PARP8: variants seen among roughly 807,000 people sequenced by gnomAD.
PARP8 encodes the protein protein mono-ADP-ribosyltransferase PARP8.
A neutral mutation model predicts 124.1 loss-of-function variants in PARP8; 51 were observed. The observed-to-expected ratio is 0.41, with a 90% CI of 0.33 to 0.52. The LOEUF (loss-of-function observed/expected upper bound fraction) is 0.52, where lower values mean the gene tolerates loss of function less well. PARP8 is among the 20% of genes least tolerant of loss of function. The probability of loss-of-function intolerance (pLI) is 0.21; values close to 1 mark genes in which losing one functional copy is unlikely to be tolerated. For synonymous variants in PARP8, 391 were observed against 361.5 expected, an observed-to-expected ratio of 1.08 and a Z score of -0.93; for missense variants, 860 against 1,018.9, an observed-to-expected ratio of 0.84 and a Z score of 2.12.
At chr5:50,759,870 C>A in intron 4 of PARP8, 138 bp downstream of exon 4, 21 of 1,073,892 alleles carry the variant, frequency 2.0e-5, no homozygotes, top group Non-Finnish European at 2.6e-5. Context: ...TACAAATTTT[C>A]TATCTAAAGT....
intron 15 of PARP8, 68 bp downstream of exon 15, chr5:50,815,592 C>G: frequency 9.3e-7 from 1 of 1,075,548 alleles, no homozygotes; most frequent in South Asian, 1.7e-5. Flanking sequence ...CACTAGTTAT[C>G]TTCATTCTGC....
intron 7 of PARP8, among the ~76,000 whole-genome samples, chr5:50,774,977 C>A (rs1238182259): frequency 6.9e-6 from 1 of 144,514 alleles, no homozygotes; most frequent in African/African-American, 2.6e-5. Flanking sequence ...CGGCCAGAGG[C>A]GCTCTTCACA....
intron 14 of PARP8, among the ~76,000 whole-genome samples, chr5:50,804,774 T>G (rs1743637497): frequency 6.6e-6 from 1 of 152,192 alleles, no homozygotes; most frequent in African/African-American, 2.4e-5. Context: ...ATTCTAATGA[T>G]TCAGACGATT....
Position 50,761,159 on chromosome 5 carries a change from A to G in PARP8, c.346-662A>G, listed in dbSNP as rs188049937. ...AATGGATTCCTGTGTCCAAATACCT[A>G]CATTTCTCCTGTGTTAATAGGGCCA... On this transcript the variant is annotated intron_variant, in intron 5 of 25. Transcript: ENST00000281631. Among the ~76,000 whole-genome samples the G allele has an allele frequency of 4.3e-4, 66 of 152,198 alleles. 1 individual carries two copies. Among genetic ancestry groups the G allele is most frequent in the African/African-American group, 1.4e-3 (58 of 41,564 alleles).
At chr5:50,820,389 G>C (rs1346616841) in intron 15 of PARP8, among the ~76,000 whole-genome samples, 1 of 152,192 alleles carries the variant, frequency 6.6e-6, no homozygotes, top group East Asian at 1.9e-4. Context: ...TGACCATTTA[G>C]GCAGTATCAG....
Position 50,834,982 on chromosome 5 carries a change from A to C in PARP8, c.2429A>C (p.Asn810Thr). ...CATGGAGAGATATGGGTTGTCCCCA[A>C]TACTGACCATGTCTGCACACGATTC... ...HKHGEIWVVP[N>T]TDHVCTRFFF... Residue 810 changes from asparagine to threonine, a missense_variant, in exon 25 of 26, where the codon AAT becomes ACT. This residue lies in a region of PARP8 where 343 missense variants were observed against 474.7 expected (regional missense o/e 0.72). Coordinates refer to ENST00000281631, the MANE Select transcript of PARP8 (RefSeq NM_024615.4). 6.2e-7 allele frequency: 1 copy of C among 1,613,484 alleles called. No homozygotes were observed. The highest frequency in any genetic ancestry group is 1.1e-5 in the South Asian group (1 of 91,064).
At chr5:50,747,005 G>A (rs1338939417) in intron 2 of PARP8, among the ~76,000 whole-genome samples, 1 of 152,040 alleles carries the variant, frequency 6.6e-6, no homozygotes, top group Non-Finnish European at 1.5e-5. Context: ...TCCAGCCTGG[G>A]CAACAGAGCA....
At chr5:50,790,014 C>T (rs1741769845) in intron 10 of PARP8, among the ~76,000 whole-genome samples, 1 of 152,098 alleles carries the variant, frequency 6.6e-6, no homozygotes, top group Admixed American at 6.6e-5. Flanking sequence ...GTACGTATTA[C>T]AGAGCTCTAG....
intron 10 of PARP8, among the ~76,000 whole-genome samples, chr5:50,790,672 C>T (rs1180196466): frequency 1.3e-5 from 2 of 152,086 alleles, no homozygotes; most frequent in African/African-American, 4.8e-5. Context: ...TACATAGGCT[C>T]AGCAAAAGAA....
intron 2 of PARP8, among the ~76,000 whole-genome samples, chr5:50,676,161 G>C (rs1750613021): frequency 6.6e-6 from 1 of 152,206 alleles, no homozygotes; most frequent in Non-Finnish European, 1.5e-5. Context: ...CAGATCTGGA[G>C]TATCTCAAAA....
chr5:50,734,124 G>A (rs1265302607), intron 2 of PARP8, among the ~76,000 whole-genome samples: 1 of 152,134 alleles, frequency 6.6e-6, no homozygotes, highest in Non-Finnish European at 1.5e-5. Context: ...GTGATAAAAA[G>A]GCTTTTAACA....
intron 2 of PARP8, among the ~76,000 whole-genome samples, chr5:50,713,745 C>G (rs1375079421): frequency 6.6e-6 from 1 of 151,888 alleles, no homozygotes; most frequent in East Asian, 1.9e-4. Context: ...ATGTTGAGCC[C>G]AGTGTCATCA....
rs2149574660 is a variant in PARP8, at chr5:50,759,731, A to G, written c.273A>G (p.Thr91=). Reference sequence around the variant, plus strand: ...CAGTAATTTTTCATAGAATAGCAACAGGTAATAGTAGTATTATTTTTTATA... The same window carrying G: ...CAGTAATTTTTCATAGAATAGCAACGGGTAATAGTAGTATTATTTTTTATA... ...PIPVIFHRIA[T]ELRKTNDINC... Residue 91 remains threonine (T), a splice_region_variant and synonymous_variant, in exon 4 of 26, where the codon ACA becomes ACG. Coordinates refer to ENST00000281631, the MANE Select transcript of PARP8 (RefSeq NM_024615.4). 1.3e-6 allele frequency: 2 copies of G among 1,558,828 alleles called. No homozygotes were observed.
intron 7 of PARP8, 117 bp downstream of exon 7, chr5:50,763,359 G>A: frequency 6.9e-6 from 5 of 723,210 alleles, no homozygotes; most frequent in South Asian, 5.2e-5. Context: ...AAGTGTTTTA[G>A]AAAGAGTCTA....
Position 50,842,175 on chromosome 5 carries a change from T to A in PARP8, c.*107T>A. The A allele has an allele frequency of 1.3e-6, 1 of 773,062 alleles. No individual in the cohort carries two copies. Among genetic ancestry groups the A allele is most frequent in the Non-Finnish European group, 2.1e-6 (1 of 485,330 alleles). The allele number at this position is 773,062 out of a possible 1,614,324, so 47.9% of individuals were successfully genotyped here. A position where few individuals can be genotyped will look rare whatever the true frequency, so the allele number is the denominator to read the frequency against. ...TATTTATTGTTATTATAAACAAAAT[T>A]AACCCTTTGAATACTGATTTTTTTT... On this transcript the variant is annotated 3_prime_UTR_variant, in exon 26 of 26. Transcript: ENST00000281631.
chr5:50,747,804 G>T (rs1474353659), intron 2 of PARP8, among the ~76,000 whole-genome samples: 1 of 110,798 alleles, frequency 9.0e-6, no homozygotes, highest in African/African-American at 3.4e-5. Context: ...ACGGAGTCTC[G>T]CTCTGTCGCC....
At position 50,815,292 on chromosome 5, in the gene PARP8, C is replaced by A. The variant is rs113603417; in HGVS notation, c.1576-140C>A. The A allele has an allele frequency of 5.8e-6, 3 of 518,674 alleles. No homozygotes were observed. The Admixed American group carries it at 1.2e-4, about 20-fold the overall frequency. The allele number at this position is 518,674 out of a possible 1,614,324, so 32.1% of individuals were successfully genotyped here. ...GTTACCTAAATTTAAGAATTTATTT[C>A]GTATTAAAATGGTATGATTTCCTTT... On this transcript the variant is annotated intron_variant, in intron 14 of 25. Transcript: ENST00000281631.
chr5:50,735,875 G>A (rs1369461819), intron 2 of PARP8, among the ~76,000 whole-genome samples: 4 of 151,638 alleles, frequency 2.6e-5, no homozygotes, highest in Non-Finnish European at 5.9e-5. Flanking sequence ...GGGGGTGGAA[G>A]CTGGGGGAGG....
chr5:50,790,191 C>T (rs1303988364), intron 10 of PARP8, among the ~76,000 whole-genome samples: 1 of 152,052 alleles, frequency 6.6e-6, no homozygotes, highest in Non-Finnish European at 1.5e-5. Context: ...TAGAATTCTG[C>T]CTCTCTAAAA....
Sources: allele counts gnomAD v4.1 joint callset (sites outside exome capture counted in the v4.1 genomes callset), GRCh38; gene constraint gnomAD v4.1.1; regional missense constraint gnomAD v4.1.1; transcripts MANE v1.5; gene names NCBI Gene and HGNC (gene_info 2026-07-23, HGNC 2026-07-21).